The following LRCH3 variants were observed in gnomAD, a reference collection of about 807,000 sequenced individuals.
LRCH3 encodes the protein leucine rich repeats and calponin homology domain containing 3, also known as DISP complex protein LRCH3.
LRCH3 carries 68 observed loss-of-function variants against 104.5 expected under a neutral mutation model. The observed-to-expected ratio is 0.65, with a 90% CI of 0.54 to 0.80. The LOEUF (loss-of-function observed/expected upper bound fraction) is 0.80. Among genes scored for constraint, LRCH3 ranks in the 30% least tolerant of loss-of-function variants. LRCH3 has a pLI of 0.00. For missense variants in LRCH3, 951 were observed against 953.9 expected (o/e 1.00, Z 0.04); for synonymous variants, 344 against 361.3 (o/e 0.95, Z 0.54).
chr3:197,812,281 A>G (rs1733211862), intron 1 of LRCH3, among the ~76,000 whole-genome samples: 1 of 152,132 alleles, frequency 6.6e-6, no homozygotes, highest in Non-Finnish European at 1.5e-5. Flanking sequence ...GATGTCTGGC[A>G]TATTTCACTC....
intron 1 of LRCH3, among the ~76,000 whole-genome samples, chr3:197,808,433 C>T (rs1732741341): frequency 6.6e-6 from 1 of 152,176 alleles, no homozygotes; most frequent in Admixed American, 6.5e-5. Flanking sequence ...TTTAAGATTC[C>T]TTTCTTTCAC....
chr3:197,795,390 C>T (rs141324258), intron 1 of LRCH3, among the ~76,000 whole-genome samples: 144 of 152,184 alleles, frequency 9.5e-4, no homozygotes, highest in African/African-American at 3.4e-3. Flanking sequence ...TTGCTCTGGC[C>T]ATAGTGATTG....
At chr3:197,792,682 G>A (rs527747364) in intron 1 of LRCH3, among the ~76,000 whole-genome samples, 355 of 130,352 alleles carry the variant, frequency 2.7e-3, no homozygotes, top group Non-Finnish European at 4.8e-3. Flanking sequence ...ACGGTATCTC[G>A]CTCTTGTCTC....
At chr3:197,795,666 A>C (rs1731107720) in intron 1 of LRCH3, among the ~76,000 whole-genome samples, 1 of 138,222 alleles carries the variant, frequency 7.2e-6, no homozygotes, top group South Asian at 2.4e-4. Context: ...TTTCTGCTTA[A>C]GGTGAGTAAA....
At chr3:197,877,788 T>TA (rs1317908360) in intron 20 of LRCH3, among the ~76,000 whole-genome samples, 1 of 152,124 alleles carries the variant, frequency 6.6e-6, no homozygotes, top group Non-Finnish European at 1.5e-5. Context: ...TTAACTGAAT[T>TA]ATACAAGAAT....
At chr3:197,791,630 C>A (rs1730520668) in intron 1 of LRCH3, 90 bp downstream of exon 1, 5 of 1,388,108 alleles carry the variant, frequency 3.6e-6, no homozygotes, top group Admixed American at 6.4e-5. Flanking sequence ...GGAGTTACAG[C>A]AGCTCGTCCC....
intron 20 of LRCH3, among the ~76,000 whole-genome samples, chr3:197,880,059 C>T (rs1378454415): frequency 6.6e-6 from 1 of 151,108 alleles, no homozygotes; most frequent in East Asian, 1.9e-4. Context: ...CATTCTCCTG[C>T]CTCAGCCTCC....
At chr3:197,846,289 A>G (rs1231086293) in intron 10 of LRCH3, among the ~76,000 whole-genome samples, 1 of 150,700 alleles carries the variant, frequency 6.6e-6, no homozygotes, top group African/African-American at 2.4e-5. Context: ...CCTGTAGGCC[A>G]GCTGTTCGAA....
At chr3:197,870,371 T>A in intron 18 of LRCH3, 93 bp downstream of exon 18, 1 of 1,273,384 alleles carries the variant, frequency 7.9e-7, no homozygotes. Flanking sequence ...ATCATTTTTA[T>A]TTATTTTTTT....
Position 197,856,222 on chromosome 3 carries a change from C to T in LRCH3, c.1644+1777C>T, listed in dbSNP as rs929550727. 3.9e-5 allele frequency among the ~76,000 whole-genome samples: 6 copies of T among 152,108 alleles called. No individual in the cohort carries two copies. The highest frequency in any genetic ancestry group is 1.4e-4 in the African/African-American group (6 of 41,408). ...TTTAACATGACTTTTCGGCAGCCCACCACCCTTAAATCAGCCCACAGTTTG... is the reference window on the plus strand; with the variant it reads ...TTTAACATGACTTTTCGGCAGCCCATCACCCTTAAATCAGCCCACAGTTTG... On this transcript the variant is annotated intron_variant, in intron 14 of 20. Transcript: ENST00000425562. This position sits in a 1 kb window ranked among gnomAD's most constrained non-coding sequence, Gnocchi z 4.2.
intron 8 of LRCH3, among the ~76,000 whole-genome samples, chr3:197,834,876 G>T (rs992393880): frequency 6.6e-6 from 1 of 152,198 alleles, no homozygotes; most frequent in Admixed American, 6.5e-5. Flanking sequence ...AGGCACGTTG[G>T]CTGATGCCTG....
chr3:197,870,985 TTA>T (rs762419299), intron 18 of LRCH3, among the ~76,000 whole-genome samples: 1 of 152,206 alleles, frequency 6.6e-6, no homozygotes, highest in African/African-American at 2.4e-5. Flanking sequence ...CAGTAATAAT[TTA>T]TATGTGTGTG....
intron 1 of LRCH3, among the ~76,000 whole-genome samples, chr3:197,793,864 TA>T (rs879454234): frequency 4.0e-5 from 6 of 151,792 alleles, no homozygotes; most frequent in South Asian, 2.1e-4. Context: ...TTATGAAATA[TA>T]AAAAAAAATC....
intron 15 of LRCH3, among the ~76,000 whole-genome samples, chr3:197,860,677 A>G (rs1482554158): frequency 1.3e-5 from 2 of 152,156 alleles, no homozygotes; most frequent in Non-Finnish European, 2.9e-5. Flanking sequence ...TGATATAGGT[A>G]TACAGTGCAT....
At chr3:197,880,826 G>C in intron 20 of LRCH3, 1 of 1,502,746 alleles carries the variant, frequency 6.7e-7, no homozygotes, top group Admixed American at 2.1e-5. Flanking sequence ...GGCCCTCAAA[G>C]AGCTAACCCA....
intron 1 of LRCH3, among the ~76,000 whole-genome samples, chr3:197,796,555 G>A (rs747600846): frequency 1.1e-4 from 16 of 152,174 alleles, no homozygotes; most frequent in Non-Finnish European, 1.9e-4. Flanking sequence ...TAATGCTATT[G>A]CTTATAATAG....
chr3:197,824,862 A>ATG (rs1734969758), intron 4 of LRCH3, among the ~76,000 whole-genome samples: 1 of 148,942 alleles, frequency 6.7e-6, no homozygotes, highest in African/African-American at 2.5e-5. Flanking sequence ...GAGCCACTGC[A>ATG]CCTGGCCTGC....
At chr3:197,826,812 G>A (rs1735256017) in intron 4 of LRCH3, 66 bp from the exon 5 acceptor site, 1 of 1,565,424 alleles carries the variant, frequency 6.4e-7, no homozygotes, top group Admixed American at 1.7e-5. Context: ...TTAACTAGAA[G>A]CTTTGTAAAA....
intron 12 of LRCH3, 68 bp downstream of exon 12, chr3:197,848,089 G>A (rs77727730): frequency 0.058 from 89,973 of 1,540,222 alleles, 2,970 homozygotes; most frequent in Non-Finnish European, 0.067. Flanking sequence ...GGTCAGGCCC[G>A]TTGGTTTTTA....
Sources: allele counts gnomAD v4.1 joint callset (sites outside exome capture counted in the v4.1 genomes callset), GRCh38; gene constraint gnomAD v4.1.1; non-coding constraint Gnocchi (gnomAD v3.1); transcripts MANE v1.5; gene names NCBI Gene and HGNC (gene_info 2026-07-23, HGNC 2026-07-21).